Variants in ASZ1 observed in about 807,000 individuals in gnomAD.
The protein encoded by ASZ1 is ankyrin repeat, SAM and basic leucine zipper domain-containing protein 1.
In ASZ1, 67 loss-of-function variants were observed where a neutral mutation model predicts 61.8. The ratio of observed to expected loss-of-function variants is 1.08; its 90% CI spans 0.89 to 1.33. The LOEUF (loss-of-function observed/expected upper bound fraction) is 1.33, where lower values mean the gene tolerates loss of function less well. ASZ1 is among the 40% of genes most tolerant of loss of function. ASZ1 has a pLI of 0.00. For synonymous variants in ASZ1, 193 were observed against 192.7 expected, an observed-to-expected ratio of 1.00 and a Z score of -0.01; for missense variants, 577 against 554.5, an observed-to-expected ratio of 1.04 and a Z score of -0.41.
chr7:117,402,735 T>C (rs1232195868), intron 4 of ASZ1, among the ~76,000 whole-genome samples: 1 of 152,144 alleles, frequency 6.6e-6, no homozygotes, highest in Non-Finnish European at 1.5e-5. Context: ...TGCAACTGCT[T>C]TGGTGTGGTA....
chr7:117,398,146 A>AGG (rs1796610830), intron 4 of ASZ1, among the ~76,000 whole-genome samples: 1 of 152,130 alleles, frequency 6.6e-6, no homozygotes, highest in Non-Finnish European at 1.5e-5. Context: ...TCTGCTTAAA[A>AGG]CACTCCTATC....
intron 4 of ASZ1, among the ~76,000 whole-genome samples, chr7:117,401,590 T>C (rs1796682792): frequency 6.6e-6 from 1 of 152,096 alleles, no homozygotes; most frequent in Non-Finnish European, 1.5e-5. Context: ...ACTGAGAACT[T>C]ACAGGGCAGT....
intron 10 of ASZ1, among the ~76,000 whole-genome samples, chr7:117,372,632 T>A (rs1001980320): frequency 6.6e-6 from 1 of 152,144 alleles, no homozygotes; most frequent in Non-Finnish European, 1.5e-5. Context: ...TAAGATAAAA[T>A]TTACACTTTA....
chr7:117,396,145 T>A (rs1361830423), intron 4 of ASZ1, among the ~76,000 whole-genome samples: 1 of 152,204 alleles, frequency 6.6e-6, no homozygotes, highest in Non-Finnish European at 1.5e-5. Context: ...GTTTCTATAT[T>A]TGTGACACCT....
chr7:117,372,750 T>A (rs1039803094), intron 10 of ASZ1, among the ~76,000 whole-genome samples: 1 of 152,200 alleles, frequency 6.6e-6, no homozygotes, highest in Non-Finnish European at 1.5e-5. Context: ...CTGGTACTAT[T>A]TTCTCTCAGA....
At chr7:117,411,636 G>GA (rs1288458504) in intron 4 of ASZ1, among the ~76,000 whole-genome samples, 1 of 151,798 alleles carries the variant, frequency 6.6e-6, no homozygotes, top group Non-Finnish European at 1.5e-5. Context: ...GTCTTCTACA[G>GA]AATTAACGCG....
chr7:117,381,189 G>A (rs373768852), intron 8 of ASZ1, 122 bp from the exon 9 acceptor site: 1 of 755,674 alleles, frequency 1.3e-6, no homozygotes, highest in Admixed American at 2.5e-5. Context: ...TTTCTAGAGG[G>A]GACAGGATAT....
intron 7 of ASZ1, among the ~76,000 whole-genome samples, 197 bp from the exon 8 acceptor site, chr7:117,382,341 A>G (rs574726057): frequency 5.9e-5 from 9 of 152,304 alleles, no homozygotes; most frequent in African/African-American, 2.2e-4. Context: ...AGTATAACTC[A>G]TCTTTCCCCA....
At chr7:117,418,382 C>T (rs938598794) in intron 4 of ASZ1, among the ~76,000 whole-genome samples, 12 of 152,088 alleles carry the variant, frequency 7.9e-5, no homozygotes, top group Non-Finnish European at 1.5e-4. Context: ...AGGCCGGGTG[C>T]GGTGGCTCAT....
chr7:117,394,227 C>T (rs1584730502), intron 4 of ASZ1, among the ~76,000 whole-genome samples: 1 of 152,122 alleles, frequency 6.6e-6, no homozygotes, highest in Non-Finnish European at 1.5e-5. Context: ...ACCTCAGCCT[C>T]CCGAGTAGCT....
At chr7:117,420,549 C>A (rs1214386275) in intron 3 of ASZ1, among the ~76,000 whole-genome samples, 1 of 152,198 alleles carries the variant, frequency 6.6e-6, no homozygotes, top group Non-Finnish European at 1.5e-5. Context: ...AGGACATGGA[C>A]ACAGCCACAT....
chr7:117,406,792 A>C (rs1457272044), intron 4 of ASZ1, among the ~76,000 whole-genome samples: 5 of 152,044 alleles, frequency 3.3e-5, no homozygotes, highest in African/African-American at 1.2e-4. Flanking sequence ...AATATATGAC[A>C]ACAATAGCAC....
At chr7:117,384,930 C>A in intron 5 of ASZ1, 70 bp from the exon 6 acceptor site, 1 of 1,350,702 alleles carries the variant, frequency 7.4e-7, no homozygotes, top group African/African-American at 1.5e-5. Flanking sequence ...GAAAAGTTTT[C>A]AACAGTATTT....
intron 4 of ASZ1, among the ~76,000 whole-genome samples, chr7:117,416,990 C>T (rs536221633): frequency 1.1e-4 from 17 of 152,196 alleles, no homozygotes; most frequent in East Asian, 7.7e-4. Context: ...GCTCCTAGTA[C>T]GAATCAGTAA....
intron 4 of ASZ1, among the ~76,000 whole-genome samples, chr7:117,415,380 C>T (rs912793035): frequency 6.6e-5 from 10 of 151,940 alleles, no homozygotes; most frequent in African/African-American, 2.4e-4. Flanking sequence ...TACTACACAC[C>T]CAATTATCAC....
intron 4 of ASZ1, among the ~76,000 whole-genome samples, chr7:117,396,691 G>A (rs975200839): frequency 2.0e-5 from 3 of 152,126 alleles, no homozygotes; most frequent in African/African-American, 7.2e-5. Context: ...GTTAAGATTT[G>A]TGTATCCATG....
chr7:117,427,060 A>C, intron 1 of ASZ1, 125 bp from the exon 2 acceptor site: 1 of 1,058,322 alleles, frequency 9.4e-7, no homozygotes, highest in South Asian at 1.8e-5. Flanking sequence ...ACTAAGATAC[A>C]AAGTTTGAAA....
rs142911346 is a variant in ASZ1 at position 117,365,321 on chromosome 7, C to A, written c.1276-1573G>T. The stretch of plus-strand genomic sequence containing the variant: ...ACGGGAAAAAGGTCTTCTATTTAGC[C>A]AAAGAACAATGAAAATTCTCTTAAC... On this transcript the variant is annotated intron_variant, in intron 12 of 12. Coordinates refer to ENST00000284629, the MANE Select transcript of ASZ1 (RefSeq NM_130768.3). 1.3e-4 allele frequency among the ~76,000 whole-genome samples: 20 copies of A among 152,006 alleles called. No individual in the cohort carries two copies. In the East Asian group the frequency reaches 3.1e-3, roughly 23 times the overall value.
chr7:117,407,397 A>T (rs1157579951), intron 4 of ASZ1, among the ~76,000 whole-genome samples: 1 of 152,004 alleles, frequency 6.6e-6, no homozygotes, highest in African/African-American at 2.4e-5. Context: ...AGTAACTGAT[A>T]GAACACGGAA....
Sources: allele counts gnomAD v4.1 joint callset (sites outside exome capture counted in the v4.1 genomes callset), GRCh38; gene constraint gnomAD v4.1.1; transcripts MANE v1.5; gene names NCBI Gene and HGNC (gene_info 2026-07-23, HGNC 2026-07-21).